The following ME3 variants were observed in gnomAD, a reference collection of about 807,000 sequenced individuals.
The protein encoded by ME3 is NADP-dependent malic enzyme, mitochondrial.
Under a neutral mutation model 68.9 loss-of-function variants are expected in ME3, and 48 were observed. The observed-to-expected ratio is 0.70, with a 90% CI of 0.55 to 0.89. ME3 has a LOEUF of 0.89. ME3 is among the 40% of genes least tolerant of loss of function. The probability of loss-of-function intolerance (pLI) is 0.00; values close to 1 mark genes in which losing one functional copy is unlikely to be tolerated. For missense variants in ME3, 675 were observed against 797.4 expected, an observed-to-expected ratio of 0.85 and a Z score of 1.85; for synonymous variants, 320 against 318.8, an observed-to-expected ratio of 1.00 and a Z score of -0.04.
intron 2 of ME3, among the ~76,000 whole-genome samples, chr11:86,590,526 G>C (rs1216320840): frequency 6.6e-6 from 1 of 152,200 alleles, no homozygotes; most frequent in Non-Finnish European, 1.5e-5. Flanking sequence ...TGCTTTCAAA[G>C]CTGGAGGCAG....
chr11:86,515,782 C>A (rs1953856742), intron 4 of ME3, among the ~76,000 whole-genome samples: 1 of 152,152 alleles, frequency 6.6e-6, no homozygotes, highest in Non-Finnish European at 1.5e-5. Context: ...TTTCAATCTT[C>A]TCTCCTTGAG....
At chr11:86,504,252 A>T (rs1192309600) in intron 5 of ME3, among the ~76,000 whole-genome samples, 1 of 151,816 alleles carries the variant, frequency 6.6e-6, no homozygotes, top group East Asian at 1.9e-4. Flanking sequence ...TGTCTCCCCC[A>T]CTTAGCAGTT....
At chr11:86,520,316 T>C (rs2139177700) in intron 4 of ME3, among the ~76,000 whole-genome samples, 1 of 152,316 alleles carries the variant, frequency 6.6e-6, no homozygotes, top group South Asian at 2.1e-4. Flanking sequence ...GATTAACAAG[T>C]GCTTAGGCCC....
At chr11:86,667,727 G>A (rs976993186) in intron 2 of ME3, 2 of 152,164 alleles carry the variant, frequency 1.3e-5, no homozygotes, top group African/African-American at 4.8e-5. Context: ...GGCAAGTGGG[G>A]AATAGGACGG....
At chr11:86,599,230 A>G (rs1960146387) in intron 2 of ME3, among the ~76,000 whole-genome samples, 1 of 152,198 alleles carries the variant, frequency 6.6e-6, no homozygotes, top group African/African-American at 2.4e-5. Flanking sequence ...GTATAACTAG[A>G]ATAACCGATA....
At chr11:86,650,519 G>A (rs1462387673) in intron 2 of ME3, among the ~76,000 whole-genome samples, 1 of 152,176 alleles carries the variant, frequency 6.6e-6, no homozygotes, top group Non-Finnish European at 1.5e-5. Context: ...GAGTGAGCAG[G>A]CAACCTACAG....
In ME3 at chr11:86,623,261, C is replaced by T. The variant is rs75026184; in HGVS notation, c.183+48501G>A. 7.9e-3 allele frequency among the ~76,000 whole-genome samples: 1,205 copies of T among 152,256 alleles called. 12 individuals are homozygous for T. Among genetic ancestry groups the T allele is most frequent in the African/African-American group, 0.028 (1,157 of 41,524 alleles). On this transcript the variant is annotated intron_variant, in intron 2 of 14. Coordinates refer to ENST00000543262, the Ensembl canonical transcript of ME3. ...CACTCTCCTCTTGAGCCAGGACATC[C>T]ATCTTCTCCTGCCCTTGGATATCAG... is the stretch of plus-strand genomic sequence containing the variant.
intron 4 of ME3, among the ~76,000 whole-genome samples, chr11:86,555,143 C>T (rs919510563): frequency 6.6e-5 from 10 of 152,200 alleles, no homozygotes; most frequent in East Asian, 3.9e-4. Context: ...AGAAGAACAT[C>T]AGTGTACTTG....
At chr11:86,443,370 C>A (rs1482246461) in intron 13 of ME3, among the ~76,000 whole-genome samples, 1 of 152,200 alleles carries the variant, frequency 6.6e-6, no homozygotes. Context: ...TTCCTTCCAG[C>A]CCTGGTCTCA....
rs73524010 is a variant in ME3, at chr11:86,580,320, A to C, written c.184-20497T>G. On this transcript the variant is annotated intron_variant, in intron 2 of 14. Coordinates refer to ENST00000543262, the Ensembl canonical transcript of ME3. ...TAAATGATGGCATGCCTGAGACTAC[A>C]TTTAGTGCCATTTGGCTACCAGGCT... 2.0e-3 allele frequency among the ~76,000 whole-genome samples: 309 copies of C among 152,276 alleles called. 5 individuals are homozygous for C. Among genetic ancestry groups the C allele is most frequent in the African/African-American group, 7.3e-3 (302 of 41,574 alleles).
At chr11:86,622,623 A>T (rs969322696) in intron 2 of ME3, 1 of 151,986 alleles carries the variant, frequency 6.6e-6, no homozygotes, top group Non-Finnish European at 1.5e-5. Flanking sequence ...TGGTTTTCCC[A>T]CTTCACACTG....
chr11:86,579,964 CCTT>C (rs778488101), intron 2 of ME3, among the ~76,000 whole-genome samples: 1 of 152,146 alleles, frequency 6.6e-6, no homozygotes, highest in Non-Finnish European at 1.5e-5. Flanking sequence ...TTTGAGTTTT[CCTT>C]CTTTCCAGTG....
chr11:86,577,739 CT>C (rs1328651383), intron 2 of ME3, among the ~76,000 whole-genome samples: 2 of 152,226 alleles, frequency 1.3e-5, no homozygotes, highest in African/African-American at 2.4e-5. Context: ...TGCCCAATAT[CT>C]TTGCCAATGA....
intron 13 of ME3, among the ~76,000 whole-genome samples, chr11:86,444,491 G>T (rs1314927424): frequency 5.3e-5 from 8 of 152,178 alleles, no homozygotes; most frequent in African/African-American, 1.9e-4. Flanking sequence ...AGGTATAGAA[G>T]ATGGATTGAT....
At chr11:86,647,446 C>A (rs1262743976) in intron 2 of ME3, among the ~76,000 whole-genome samples, 1 of 151,208 alleles carries the variant, frequency 6.6e-6, no homozygotes, top group Non-Finnish European at 1.5e-5. Context: ...CATCATGCCA[C>A]TGCACTCCAG....
rs1487875000 is a variant in ME3, at chr11:86,475,866, T to TAGAG, written c.810-10667_810-10666insCTCT. ...CTAATATTCAGTATATATATATATA[T>TAGAG]ATATATATAGAGAGAGAGAGAGAGA... is the stretch of plus-strand genomic sequence containing the variant. On this transcript the variant is annotated intron_variant, in intron 7 of 14. Transcript: ENST00000543262. Among the ~76,000 whole-genome samples the TAGAG allele has an allele frequency of 3.4e-3, 385 of 111,896 alleles. 1 individual carries two copies. Among genetic ancestry groups the TAGAG allele is most frequent in the South Asian group, 4.7e-3 (16 of 3,378 alleles). 73.4% of individuals were successfully genotyped at this position (111,896 alleles called of 152,430 possible). A position where few individuals can be genotyped will look rare whatever the true frequency, so the allele number is the denominator to read the frequency against.
At chr11:86,457,808 C>G in intron 8 of ME3, 1 of 1,256,118 alleles carries the variant, frequency 8.0e-7, no homozygotes, top group South Asian at 1.3e-5. Flanking sequence ...AGGGAGATTT[C>G]CATAATTACA....
chr11:86,669,659 G>A (rs115067114), intron 2 of ME3, among the ~76,000 whole-genome samples: 4 of 152,272 alleles, frequency 2.6e-5, no homozygotes, highest in South Asian at 4.2e-4. Context: ...TCCACAACAC[G>A]TGGGGATTAT....
intron 4 of ME3, among the ~76,000 whole-genome samples, chr11:86,513,975 T>C (rs1294232253): frequency 2.0e-5 from 3 of 152,084 alleles, no homozygotes; most frequent in Non-Finnish European, 2.9e-5. Context: ...CATCTTGAAT[T>C]GTAATCCCCA....
Sources: gnomAD v4.1 joint callset for allele counts (sites outside exome capture counted in the v4.1 genomes callset) on GRCh38, gnomAD v4.1.1 for gene constraint, MANE v1.5 for transcripts, NCBI Gene and HGNC (gene_info 2026-07-23, HGNC 2026-07-21) for gene names.